Variants in UNC80 observed in about 807,000 individuals in gnomAD.
UNC80 encodes the protein unc-80 subunit of NALCN channel complex.
UNC80 carries 164 observed loss-of-function variants against 384.6 expected under a neutral mutation model. The ratio of observed to expected loss-of-function variants is 0.43; its 90% CI spans 0.38 to 0.49. The LOEUF (loss-of-function observed/expected upper bound fraction) is 0.49. Among genes scored for constraint, UNC80 ranks in the 20% least tolerant of loss-of-function variants. The probability of loss-of-function intolerance (pLI) is 0.00; values close to 1 mark genes in which losing one functional copy is unlikely to be tolerated. For synonymous variants in UNC80, 1,486 were observed against 1,527.8 expected, an observed-to-expected ratio of 0.97 and a Z score of 0.64; for missense variants, 3,330 against 4,143.0, an observed-to-expected ratio of 0.80 and a Z score of 5.39.
intron 4 of UNC80, among the ~76,000 whole-genome samples, chr2:209,783,039 A>G (rs1400338654): frequency 6.6e-6 from 1 of 152,216 alleles, no homozygotes; most frequent in Non-Finnish European, 1.5e-5. Flanking sequence ...CCATATGTGT[A>G]AAGTAAACAA....
At position 209,849,464 on chromosome 2, in the gene UNC80, T is replaced by G; in HGVS notation, c.3468T>G (p.Phe1156Leu). The G allele has an allele frequency of 6.4e-7, 1 of 1,550,886 alleles. No homozygotes were observed. Among genetic ancestry groups the G allele is most frequent in the Non-Finnish European group, 8.7e-7 (1 of 1,146,396 alleles). ...CCACCTTTACAGGTTGCCACAGTTT[T>G]GATGATCATCTCTCTCCCAACCAAG... Reference protein sequence around the residue: ...NFFKRLGCHSFDDHLSPNQDG... With the variant: ...NFFKRLGCHSLDDHLSPNQDG... The change falls in exon 22 of 65, where the codon TTT becomes TTG. Residue 1156 changes from phenylalanine (F) to leucine (L), a missense_variant. Transcript: ENST00000673920.
chr2:209,912,587 C>G lies in UNC80; in HGVS notation c.4810C>G (p.Pro1604Ala). The G allele has an allele frequency of 2.6e-6, 4 of 1,551,242 alleles. No homozygotes were observed. The highest frequency in any genetic ancestry group is 3.5e-6 in the Non-Finnish European group (4 of 1,146,694). ...ECSDKSCLRT[P>A]SLKKRVSDAN... ...CTCAGATAAGTCATGCCTGAGGACA[C>G]CTTCTCTAAAGAAGAGAGTTTCAGA... Residue 1604 changes from proline (P) to alanine (A), a missense_variant, in exon 30 of 65, where the codon CCT (proline) becomes GCT (alanine). Coordinates refer to ENST00000673920, the MANE Select transcript of UNC80 (RefSeq NM_001371986.1).
intron 13 of UNC80, among the ~76,000 whole-genome samples, chr2:209,824,103 C>A (rs1049146544): frequency 3.3e-5 from 5 of 152,042 alleles, no homozygotes; most frequent in African/African-American, 1.2e-4. Context: ...GGTCCTATTC[C>A]CATCTCATTA....
At chr2:209,806,913 G>A (rs2078937016) in intron 7 of UNC80, among the ~76,000 whole-genome samples, 3 of 152,094 alleles carry the variant, frequency 2.0e-5, no homozygotes, top group Admixed American at 6.5e-5. Flanking sequence ...TGTTATTTCC[G>A]GAGTGCTTAT....
intron 21 of UNC80, chr2:209,845,376 C>T (rs563621865): frequency 6.6e-6 from 1 of 152,220 alleles, no homozygotes; most frequent in Admixed American, 6.5e-5. Flanking sequence ...CTTGTTTACA[C>T]TCTCCTTTTA....
rs1349489108 is a variant in UNC80, at chr2:209,954,157, G to A, written c.7344G>A (p.Lys2448=). Residue 2448 remains lysine (K), a synonymous_variant, in exon 48 of 65, where the codon AAG becomes AAA. Transcript: ENST00000673920. Reference sequence around the variant, plus strand: ...TTCCATGTTACCTACAAAAGCTAAAGAGGCAGACATCACAGGTGGAGACAG... The same window carrying A: ...TTCCATGTTACCTACAAAAGCTAAAAAGGCAGACATCACAGGTGGAGACAG... The part of the protein sequence containing the change: ...ALVPCYLQKL[K]RQTSQVETVP... The A allele has an allele frequency of 5.2e-6, 8 of 1,551,134 alleles. No homozygotes were observed. The highest frequency in any genetic ancestry group is 7.0e-6 in the Non-Finnish European group (8 of 1,146,928).
intron 22 of UNC80, among the ~76,000 whole-genome samples, chr2:209,871,394 A>T (rs1042751440): frequency 6.6e-6 from 1 of 152,182 alleles, no homozygotes; most frequent in African/African-American, 2.4e-5. Flanking sequence ...AATGGGGGAC[A>T]TTATTTATAG....
intron 41 of UNC80, 128 bp downstream of exon 41, chr2:209,937,061 A>C (rs1287495878): frequency 3.2e-6 from 2 of 632,364 alleles, no homozygotes; most frequent in Non-Finnish European, 5.6e-6. Context: ...GGGTCACACC[A>C]TCTTACTATC....
intron 21 of UNC80, among the ~76,000 whole-genome samples, chr2:209,847,546 A>G (rs757928104): frequency 6.6e-6 from 1 of 152,002 alleles, no homozygotes. Context: ...AGCAAAGAAT[A>G]TAGGTTCTTG....
At chr2:209,817,263 A>T in intron 10 of UNC80, 138 bp downstream of exon 10, 1 of 710,434 alleles carries the variant, frequency 1.4e-6, no homozygotes, top group South Asian at 1.9e-5. Flanking sequence ...GTTCTCCAGT[A>T]CCAAAATAAT....
chr2:209,809,620 G>T, intron 7 of UNC80: 2 of 647,876 alleles, frequency 3.1e-6, no homozygotes, highest in Non-Finnish European at 5.4e-6. Context: ...CAGACACCCT[G>T]CCCCCGCCAA....
intron 4 of UNC80, among the ~76,000 whole-genome samples, chr2:209,783,744 T>C (rs1490944700): frequency 2.0e-5 from 3 of 152,110 alleles, no homozygotes; most frequent in South Asian, 4.1e-4. Flanking sequence ...TGTTAAGATT[T>C]CTCATGAGAA....
At chr2:209,955,950 G>A (rs1001259393) in intron 48 of UNC80, among the ~76,000 whole-genome samples, 4 of 151,330 alleles carry the variant, frequency 2.6e-5, no homozygotes, top group African/African-American at 9.7e-5. Flanking sequence ...CCCCATGTTG[G>A]CCAGGCTGGT....
chr2:209,930,725 A>G (rs745348972), intron 37 of UNC80, among the ~76,000 whole-genome samples: 1 of 152,186 alleles, frequency 6.6e-6, no homozygotes, highest in Non-Finnish European at 1.5e-5. Flanking sequence ...TAAAAAGAAC[A>G]AAGTCGTTTA....
intron 7 of UNC80, 96 bp from the exon 8 acceptor site, chr2:209,813,484 T>A: frequency 2.3e-6 from 3 of 1,315,988 alleles, no homozygotes; most frequent in Admixed American, 2.7e-5. Context: ...AATGAATAAC[T>A]AAACAAATGA....
At chr2:209,942,657 C>T (rs1017531935) in intron 44 of UNC80, among the ~76,000 whole-genome samples, 6 of 151,716 alleles carry the variant, frequency 4.0e-5, no homozygotes, top group Non-Finnish European at 7.4e-5. Context: ...TATCACAGGA[C>T]TCTCTTCCTC....
intron 36 of UNC80, among the ~76,000 whole-genome samples, chr2:209,928,419 T>A (rs372252968): frequency 1.3e-5 from 2 of 152,350 alleles, no homozygotes; most frequent in African/African-American, 4.8e-5. Flanking sequence ...TTAATAGTTG[T>A]TTCTGTGATG....
At position 209,790,885 on chromosome 2, in the gene UNC80, C is replaced by G. The variant is rs142671785; in HGVS notation, c.798+1280C>G. 3.4e-3 allele frequency among the ~76,000 whole-genome samples: 513 copies of G among 152,140 alleles called. 2 individuals carry two copies. The highest frequency in any genetic ancestry group is 0.012 in the African/African-American group (479 of 41,532). ...TTCAACTAGTATAAAATAAAAAATCCTCAATGATACAAGTAACATGTCCTA... is the reference window on the plus strand; with the variant it reads ...TTCAACTAGTATAAAATAAAAAATCGTCAATGATACAAGTAACATGTCCTA... On this transcript the variant is annotated intron_variant, in intron 6 of 64. Transcript: ENST00000673920.
At chr2:209,881,149 G>A in intron 25 of UNC80, 55 bp downstream of exon 25, 3 of 1,507,658 alleles carry the variant, frequency 2.0e-6, no homozygotes, top group Non-Finnish European at 2.7e-6. Flanking sequence ...CCAGGCGTGT[G>A]TCTGGGTTTC....
Sources: allele counts gnomAD v4.1 joint callset (sites outside exome capture counted in the v4.1 genomes callset), GRCh38; gene constraint gnomAD v4.1.1; transcripts MANE v1.5; gene names NCBI Gene and HGNC (gene_info 2026-07-23, HGNC 2026-07-21).